The following RFLNA variants were observed in gnomAD, a reference collection of about 807,000 sequenced individuals.
RFLNA encodes the protein refilin-A.
A neutral mutation model predicts 7.8 loss-of-function variants in RFLNA; 5 were observed. That is an observed-to-expected ratio of 0.64 (90% confidence interval 0.34 to 1.35). The LOEUF (loss-of-function observed/expected upper bound fraction) is 1.35, where lower values mean the gene tolerates loss of function less well. RFLNA is among the 40% of genes most tolerant of loss of function. The pLI is 0.04. For missense variants in RFLNA, 278 were observed against 305.5 expected, an observed-to-expected ratio of 0.91 and a Z score of 0.67; for synonymous variants, 141 against 131.3, an observed-to-expected ratio of 1.07 and a Z score of -0.50.
intron 1 of RFLNA, among the ~76,000 whole-genome samples, chr12:124,299,654 T>G (rs1460275571): frequency 6.6e-6 from 1 of 152,254 alleles, no homozygotes; most frequent in East Asian, 1.9e-4. Flanking sequence ...GGTCTCCAAT[T>G]CCATCCAGGT....
In RFLNA at chr12:124,311,901, G is replaced by C. The variant is rs2034251276; in HGVS notation, c.291G>C (p.Val97=). The C allele has an allele frequency of 6.5e-7, 1 of 1,546,886 alleles. No homozygotes were observed. Among genetic ancestry groups the C allele is most frequent in the South Asian group, 1.1e-5 (1 of 87,926 alleles). ...LPVFFGESIK[V]NPEPTHEIRC... The stretch of plus-strand genomic sequence containing the variant: ...TGTTCTTTGGGGAGAGCATCAAGGT[G>C]AACCCGGAACCCACGCATGAGATCC... The change falls in exon 2 of 3, where the codon GTG becomes GTC. Residue 97 remains valine (V), a synonymous_variant. Transcript: ENST00000546355.
At chr12:124,293,291 G>A (rs959803998), upstream of RFLNA, among the ~76,000 whole-genome samples, 2 of 152,140 alleles carry the variant, frequency 1.3e-5, no homozygotes, top group African/African-American at 2.4e-5. Flanking sequence ...CACCTTGCCC[G>A]CATCCTGCCC....
upstream of RFLNA, among the ~76,000 whole-genome samples, chr12:124,294,976 G>A (rs953692921): frequency 6.6e-6 from 1 of 152,152 alleles, no homozygotes; most frequent in African/African-American, 2.4e-5. Flanking sequence ...GCCCAGGAGC[G>A]GGAGGGCCTC....
intron 1 of RFLNA, among the ~76,000 whole-genome samples, chr12:124,304,318 A>G (rs887143427): frequency 1.3e-5 from 2 of 152,184 alleles, no homozygotes; most frequent in Non-Finnish European, 2.9e-5. Flanking sequence ...ACGCCAGCCT[A>G]TATCGGTCTG....
intron 1 of RFLNA, among the ~76,000 whole-genome samples, chr12:124,307,905 G>A (rs71458836): frequency 0.13 from 19,332 of 151,962 alleles, 1,260 homozygotes; most frequent in African/African-American, 0.16. Context: ...GCTTCTGGTG[G>A]CTCCAGGTGC....
chr12:124,303,964 GC>G (rs2034094084), intron 1 of RFLNA, among the ~76,000 whole-genome samples: 2 of 152,170 alleles, frequency 1.3e-5, no homozygotes, highest in Non-Finnish European at 2.9e-5. Context: ...CCCTTCCCTG[GC>G]CCTCCCCTGC....
intron 1 of RFLNA, 36 bp downstream of exon 1, chr12:124,295,672 C>T (rs1268465301): frequency 8.1e-7 from 1 of 1,232,150 alleles, no homozygotes; most frequent in Non-Finnish European, 1.0e-6. Context: ...CGGGGGACCG[C>T]GTGGGCGGGT....
At position 124,315,523 on chromosome 12, in the gene RFLNA, G is replaced by A. The variant is rs1032834571; in HGVS notation, c.*998G>A. 1 of 152,286 alleles carries A rather than the reference G, an allele frequency of 6.6e-6. No homozygotes were observed. The highest frequency in any genetic ancestry group is 1.5e-5 in the Non-Finnish European group (1 of 68,072). The allele number at this position is 152,286 out of a possible 1,614,324, so 9.4% of individuals were successfully genotyped here. A position where few individuals can be genotyped will look rare whatever the true frequency, so the allele number is the denominator to read the frequency against. ...TCCTGTGCGCAATCGATTCCGCAAT[G>A]ACAGCACCTTACTCCTTCCTGCGGC... On this transcript the variant is annotated 3_prime_UTR_variant, in exon 3 of 3. Transcript: ENST00000546355.
chr12:124,309,822 G>A (rs1330416617), intron 1 of RFLNA, among the ~76,000 whole-genome samples: 2 of 152,142 alleles, frequency 1.3e-5, no homozygotes, highest in African/African-American at 2.4e-5. Flanking sequence ...ACGGGTTGGC[G>A]GTGACTTGAG....
upstream of RFLNA, among the ~76,000 whole-genome samples, chr12:124,294,713 C>T (rs1184185341): frequency 6.6e-6 from 1 of 152,226 alleles, no homozygotes; most frequent in Non-Finnish European, 1.5e-5. Context: ...GGCCCTCCTC[C>T]CCATCGATTG....
chr12:124,295,346 C>T lies in RFLNA; in HGVS notation c.-84C>T, dbSNP rs988979275. Reference sequence around the variant, plus strand: ...AGGTCCCCGGGCGCGCAGCTCTCGCCCCGCCGCCGCCTGCCCCGGGCCCCG... The same window carrying T: ...AGGTCCCCGGGCGCGCAGCTCTCGCTCCGCCGCCGCCTGCCCCGGGCCCCG... On this transcript the variant is annotated 5_prime_UTR_variant, in exon 1 of 3. Coordinates refer to ENST00000546355, the MANE Select transcript of RFLNA (RefSeq NM_001365156.1). 7.7e-5 allele frequency: 65 copies of T among 841,594 alleles called. No homozygotes were observed. In the African/African-American group the frequency reaches 9.8e-4, roughly 13 times the overall value. 52.1% of individuals were successfully genotyped at this position (841,594 alleles called of 1,614,324 possible).
In RFLNA at chr12:124,295,584, C is replaced by CG; in HGVS notation, c.161dup (p.Ala55ArgfsTer50). On this transcript the variant is annotated frameshift_variant, in exon 1 of 3. Transcript: ENST00000546355. LOFTEE classifies it high-confidence loss of function. ...GCGCCCGGCATCCTCGACGCGCGCG[C>CG]GGGGGGCGCCGGCGCCTCCTCGGAG... 1.6e-6 allele frequency: 2 copies of CG among 1,243,150 alleles called. No individual in the cohort carries two copies. The highest frequency in any genetic ancestry group is 6.8e-5 in the South Asian group (2 of 29,566). The allele number at this position is 1,243,150 out of a possible 1,614,324, so 77.0% of individuals were successfully genotyped here.
At position 124,314,547 on chromosome 12, in the gene RFLNA, G is replaced by T. The variant is rs781393426; in HGVS notation, c.*22G>T. On this transcript the variant is annotated 3_prime_UTR_variant, in exon 3 of 3. Coordinates refer to ENST00000546355, the MANE Select transcript of RFLNA (RefSeq NM_001365156.1). ...CTGACGGGGCTGGGGCCGGCCCGGG[G>T]TGCTGGAGGAGCCGGGAGCCCTGGG... 76 of 1,551,716 alleles carry T rather than the reference G, an allele frequency of 4.9e-5. No homozygotes were observed. The highest frequency in any genetic ancestry group is 6.1e-5 in the Non-Finnish European group (70 of 1,155,132).
rs146197980 is a variant in RFLNA at position 124,314,398 on chromosome 12, C to T, written c.524C>T (p.Ala175Val). The T allele has an allele frequency of 1.0e-3, 1,606 of 1,610,302 alleles. 2 individuals carry two copies. The highest frequency in any genetic ancestry group is 1.0e-3 in the Non-Finnish European group (1,236 of 1,179,904). Reference protein sequence around the residue: ...RSTTIIFPKHARSTFRTTLHC... With the variant: ...RSTTIIFPKHVRSTFRTTLHC... Reference sequence around the variant, plus strand: ...ACCACCATCATCTTCCCCAAGCATGCCAGGAGCACTTTCCGGACCACCCTG... The same window carrying T: ...ACCACCATCATCTTCCCCAAGCATGTCAGGAGCACTTTCCGGACCACCCTG... The change falls in exon 3 of 3, where the codon GCC becomes GTC. Residue 175 changes from alanine to valine, a missense_variant. Coordinates refer to ENST00000546355, the MANE Select transcript of RFLNA (RefSeq NM_001365156.1).
chr12:124,290,379 T>C (rs2033802680), upstream of RFLNA, among the ~76,000 whole-genome samples: 1 of 152,206 alleles, frequency 6.6e-6, no homozygotes, highest in Non-Finnish European at 1.5e-5. The surrounding 1 kb of genome is among the most constrained non-coding windows in gnomAD (Gnocchi z 4.0). Context: ...TGTGTTTGTG[T>C]ATATGTGTGC....
chr12:124,298,958 A>G (rs1226141247), intron 1 of RFLNA, among the ~76,000 whole-genome samples: 1 of 152,264 alleles, frequency 6.6e-6, no homozygotes, highest in Non-Finnish European at 1.5e-5. Flanking sequence ...TATGCATGTA[A>G]CCAAATGCCT....
At chr12:124,290,929 C>G (rs552494138), upstream of RFLNA, among the ~76,000 whole-genome samples, 1 of 152,198 alleles carries the variant, frequency 6.6e-6, no homozygotes, top group Non-Finnish European at 1.5e-5. The surrounding 1 kb of genome is among the most constrained non-coding windows in gnomAD (Gnocchi z 4.0). Flanking sequence ...GGCAGCCGAG[C>G]GTGCACATGG....
chr12:124,308,045 G>C (rs1205775306), intron 1 of RFLNA, among the ~76,000 whole-genome samples: 1 of 151,038 alleles, frequency 6.6e-6, no homozygotes, highest in African/African-American at 2.4e-5. Context: ...ACAGTGGCGC[G>C]ATCTCGGCTC....
Position 124,314,254 on chromosome 12 carries a change from C to T in RFLNA, c.380C>T (p.Pro127Leu), listed in dbSNP as rs368418511. 8 of 1,613,536 alleles carry T rather than the reference C, an allele frequency of 5.0e-6. No individual in the cohort carries two copies. Among genetic ancestry groups the T allele is most frequent in the Non-Finnish European group, 6.8e-6 (8 of 1,180,034 alleles). ...TTCCAGGACAAGGTCTTCTATGCGCCCGTACCCACCGTCACGGCCTACAGC... is the reference window on the plus strand; with the variant it reads ...TTCCAGGACAAGGTCTTCTATGCGCTCGTACCCACCGTCACGGCCTACAGC... ...KHFQDKVFYA[P>L]VPTVTAYSET... Residue 127 changes from proline (P) to leucine (L), a missense_variant, in exon 3 of 3, where the codon CCC (proline) becomes CTC (leucine). Pro to Leu is a moderately conservative substitution (Grantham distance 98). Coordinates refer to ENST00000546355, the MANE Select transcript of RFLNA (RefSeq NM_001365156.1).
Sources: allele counts gnomAD v4.1 joint callset (sites outside exome capture counted in the v4.1 genomes callset), GRCh38; gene constraint gnomAD v4.1.1; non-coding constraint Gnocchi (gnomAD v3.1); transcripts MANE v1.5; gene names NCBI Gene and HGNC (gene_info 2026-07-23, HGNC 2026-07-21).